SYNDIG1: variants seen among roughly 807,000 people sequenced by gnomAD.
SYNDIG1 encodes synapse differentiation-inducing gene protein 1.
Under a neutral mutation model 19.4 loss-of-function variants are expected in SYNDIG1, and 9 were observed. The observed-to-expected ratio is 0.46, with a 90% confidence interval of 0.28 to 0.81. The LOEUF is 0.81. Ranked by LOEUF, SYNDIG1 falls within the 30% of genes least tolerant of loss-of-function variation. The probability of loss-of-function intolerance (pLI) is 0.12; values close to 1 mark genes in which losing one functional copy is unlikely to be tolerated. For missense variants in SYNDIG1, 311 were observed against 343.3 expected, an observed-to-expected ratio of 0.91 and a Z score of 0.74; for synonymous variants, 141 against 145.9, an observed-to-expected ratio of 0.97 and a Z score of 0.24.
chr20:24,499,834 A>G (rs2056396433), intron 1 of SYNDIG1, among the ~76,000 whole-genome samples: 1 of 152,222 alleles, frequency 6.6e-6, no homozygotes, highest in Non-Finnish European at 1.5e-5. Context: ...AAATCTTTAT[A>G]CATAGTTCAT....
At chr20:24,573,953 G>A (rs189083056) in intron 2 of SYNDIG1, among the ~76,000 whole-genome samples, 2 of 152,322 alleles carry the variant, frequency 1.3e-5, no homozygotes, top group East Asian at 1.9e-4. Flanking sequence ...GAGACCTGAA[G>A]TCTGCCCTGC....
chr20:24,536,257 G>C (rs1487063004), intron 1 of SYNDIG1, among the ~76,000 whole-genome samples: 1 of 152,152 alleles, frequency 6.6e-6, no homozygotes. Flanking sequence ...GTGTGGCCAC[G>C]GGTGAAATTA....
chr20:24,506,629 A>G (rs1278402063), intron 1 of SYNDIG1, among the ~76,000 whole-genome samples: 1 of 152,226 alleles, frequency 6.6e-6, no homozygotes, highest in East Asian at 1.9e-4. Flanking sequence ...ACTGGGATGG[A>G]ACTGTGGCCC....
intron 3 of SYNDIG1, among the ~76,000 whole-genome samples, chr20:24,589,508 G>T (rs2058472598): frequency 6.6e-6 from 1 of 152,232 alleles, no homozygotes; most frequent in Admixed American, 6.5e-5. Context: ...GTCTGAGCAT[G>T]GTGTGGCATT....
chr20:24,514,806 A>G (rs1357304650), intron 1 of SYNDIG1, among the ~76,000 whole-genome samples: 3 of 152,360 alleles, frequency 2.0e-5, no homozygotes, highest in South Asian at 4.1e-4. Context: ...CTCCACCCCA[A>G]ATCAACAGAA....
intron 1 of SYNDIG1, among the ~76,000 whole-genome samples, chr20:24,512,280 C>G (rs987215626): frequency 6.6e-6 from 1 of 151,096 alleles, no homozygotes; most frequent in Non-Finnish European, 1.5e-5. Context: ...TGGGGATCAT[C>G]GGACAGTGGG....
At chr20:24,594,591 G>A (rs1443546581) in intron 3 of SYNDIG1, among the ~76,000 whole-genome samples, 3 of 152,162 alleles carry the variant, frequency 2.0e-5, no homozygotes, top group African/African-American at 7.2e-5. Context: ...GATAGGAATG[G>A]CACTAGATCT....
chr20:24,489,589 C>T (rs1292115973), intron 1 of SYNDIG1, among the ~76,000 whole-genome samples: 1 of 152,190 alleles, frequency 6.6e-6, no homozygotes, highest in African/African-American at 2.4e-5. Flanking sequence ...ACCACAGTCA[C>T]ATGACCACAC....
At chr20:24,647,209 T>C (rs140124755) in intron 3 of SYNDIG1, among the ~76,000 whole-genome samples, 4 of 152,242 alleles carry the variant, frequency 2.6e-5, no homozygotes, top group Non-Finnish European at 5.9e-5. Context: ...ATACTTTTAA[T>C]TTTGCATCTT....
At chr20:24,643,173 C>T (rs1350262159) in intron 3 of SYNDIG1, among the ~76,000 whole-genome samples, 1 of 152,188 alleles carries the variant, frequency 6.6e-6, no homozygotes, top group Non-Finnish European at 1.5e-5. Flanking sequence ...TCACTGCAGC[C>T]TTCTTCCCTT....
intron 1 of SYNDIG1, among the ~76,000 whole-genome samples, chr20:24,540,422 T>C (rs1229001148): frequency 6.6e-6 from 1 of 152,192 alleles, no homozygotes; most frequent in East Asian, 1.9e-4. Flanking sequence ...CAGTGTTCAA[T>C]AAAAGTGGGA....
chr20:24,629,938 G>C (rs867201280), intron 3 of SYNDIG1, among the ~76,000 whole-genome samples: 21 of 152,292 alleles, frequency 1.4e-4, no homozygotes, highest in African/African-American at 4.8e-4. Context: ...TGGCCTTTCT[G>C]CTGCCACTCA....
intron 3 of SYNDIG1, among the ~76,000 whole-genome samples, chr20:24,591,342 T>C (rs2058509294): frequency 6.6e-6 from 1 of 152,074 alleles, no homozygotes; most frequent in African/African-American, 2.4e-5. Flanking sequence ...TGCTGTGATC[T>C]ATGATCCCAC....
rs2059638604 is a variant in SYNDIG1 at position 24,665,369 on chromosome 20, G to A, written c.642G>A (p.Gly214=). The stretch of plus-strand genomic sequence containing the variant: ...AGACCAACAAAGCCGTGGCCAAGGG[G>A]GACTTGCACCAGGCCAGCACCAGCT... The part of the protein sequence containing the change: ...SHETNKAVAK[G]DLHQASTSSR... Residue 214 remains glycine, a synonymous_variant, in exon 4 of 4, where the codon GGG becomes GGA. Transcript: ENST00000376862. The A allele has an allele frequency of 3.1e-6, 5 of 1,602,534 alleles. No individual in the cohort carries two copies. In the East Asian group the frequency reaches 1.1e-4, roughly 36 times the overall value.
intron 2 of SYNDIG1, among the ~76,000 whole-genome samples, chr20:24,577,260 G>A (rs1004433475): frequency 2.6e-5 from 4 of 152,200 alleles, no homozygotes; most frequent in East Asian, 1.9e-4. Context: ...TCAAGTAAAG[G>A]AGAGAACAAG....
chr20:24,578,137 C>G lies in SYNDIG1; in HGVS notation c.481-6719C>G, dbSNP rs75812314. On this transcript the variant is annotated intron_variant, in intron 2 of 3. Coordinates refer to ENST00000376862, the MANE Select transcript of SYNDIG1 (RefSeq NM_024893.3). ...ATAAAATGTGCAGATTTCTGCCCTC[C>G]TGGTGCTTAGAGGAAGGGAGTCGGG... is the stretch of plus-strand genomic sequence containing the variant. Among the ~76,000 whole-genome samples, 4 of 152,314 alleles carry G rather than the reference C, an allele frequency of 2.6e-5. No individual in the cohort carries two copies. The East Asian group carries it at 7.7e-4, about 29-fold the overall frequency.
chr20:24,635,062 C>T (rs945795409), intron 3 of SYNDIG1, among the ~76,000 whole-genome samples: 2 of 152,216 alleles, frequency 1.3e-5, no homozygotes, highest in Non-Finnish European at 2.9e-5. Context: ...TCTGAGGGGG[C>T]GCAGCTGGGG....
At chr20:24,508,249 G>A (rs1172529869) in intron 1 of SYNDIG1, among the ~76,000 whole-genome samples, 1 of 11,952 alleles carries the variant, frequency 8.4e-5, no homozygotes, top group South Asian at 2.8e-3. Flanking sequence ...TTTTTTTTGT[G>A]ACAGAGTCTC....
intron 2 of SYNDIG1, among the ~76,000 whole-genome samples, chr20:24,581,715 A>G (rs1259502955): frequency 6.6e-6 from 1 of 152,018 alleles, no homozygotes; most frequent in African/African-American, 2.4e-5. Flanking sequence ...TCCATGTTAC[A>G]TGCCATTCAT....
Sources: gnomAD v4.1 joint callset for allele counts (sites outside exome capture counted in the v4.1 genomes callset) on GRCh38, gnomAD v4.1.1 for gene constraint, MANE v1.5 for transcripts, NCBI Gene and HGNC (gene_info 2026-07-23, HGNC 2026-07-21) for gene names.